TNIK: variants seen among roughly 807,000 people sequenced by gnomAD.
TNIK encodes TRAF2 and NCK interacting kinase.
TNIK carries 49 observed loss-of-function variants against 191.3 expected under a neutral mutation model. The ratio of observed to expected loss-of-function variants is 0.26; its 90% CI spans 0.20 to 0.32. The LOEUF (loss-of-function observed/expected upper bound fraction) is 0.32, where lower values mean the gene tolerates loss of function less well. Ranked by LOEUF, TNIK falls within the 10% of genes least tolerant of loss-of-function variation. TNIK has a pLI of 1.00. For synonymous variants in TNIK, 594 were observed against 600.9 expected (o/e 0.99, Z 0.17); for missense variants, 1,155 against 1,702.3 (o/e 0.68, Z 5.66).
At position 171,063,184 on chromosome 3, in the gene TNIK, T is replaced by C. The variant is rs1195492452; in HGVS notation, c.*697A>G. On this transcript the variant is annotated 3_prime_UTR_variant, in exon 33 of 33. Transcript: ENST00000436636. Reference sequence around the variant, plus strand: ...TCAGATTCACAAAAGTGGTAGTTGATTTTATTAGACTAGTAGTTTTAAGGC... The same window carrying C: ...TCAGATTCACAAAAGTGGTAGTTGACTTTATTAGACTAGTAGTTTTAAGGC... 2.0e-5 allele frequency: 3 copies of C among 152,214 alleles called. No homozygotes were observed. Among genetic ancestry groups the C allele is most frequent in the Admixed American group, 6.5e-5 (1 of 15,280 alleles). 9.4% of individuals were successfully genotyped at this position (152,214 alleles called of 1,614,324 possible). A position where few individuals can be genotyped will look rare whatever the true frequency, so the allele number is the denominator to read the frequency against.
At chr3:171,172,303 A>C (rs1735392581) in intron 9 of TNIK, among the ~76,000 whole-genome samples, 1 of 152,222 alleles carries the variant, frequency 6.6e-6, no homozygotes, top group African/African-American at 2.4e-5. Context: ...TACACTGAGA[A>C]CAAGGCATTT....
rs1034002121 is a variant in TNIK, at chr3:171,058,567, G to GA, written c.*5313dup. On this transcript the variant is annotated 3_prime_UTR_variant, in exon 33 of 33. Transcript: ENST00000436636. ...CTTTCTCAATGATTTTTGTATGCAA[G>GA]AAAAAAAATACCTGAAAGTAACCAA... is the stretch of plus-strand genomic sequence containing the variant. 4.0e-5 allele frequency among the ~76,000 whole-genome samples: 6 copies of GA among 151,764 alleles called. No homozygotes were observed. Among genetic ancestry groups the GA allele is most frequent in the African/African-American group, 1.5e-4 (6 of 41,340 alleles).
intron 15 of TNIK, among the ~76,000 whole-genome samples, chr3:171,129,663 T>A (rs952248469): frequency 1.3e-5 from 2 of 152,224 alleles, no homozygotes; most frequent in Non-Finnish European, 2.9e-5. Flanking sequence ...TTCATTTCCT[T>A]GTCATTCCCT....
chr3:171,198,633 GGT>G (rs1303413685), intron 4 of TNIK, among the ~76,000 whole-genome samples: 3 of 152,078 alleles, frequency 2.0e-5, no homozygotes. Flanking sequence ...ATGTGGATGG[GGT>G]GGAACTGGCC....
At chr3:171,108,203 CA>C in intron 19 of TNIK, 41 bp from the exon 20 acceptor site, 1 of 1,466,332 alleles carries the variant, frequency 6.8e-7, no homozygotes, top group Non-Finnish European at 9.1e-7. Flanking sequence ...AGATGGCCAT[CA>C]AAAAGTGCTG....
intron 3 of TNIK, among the ~76,000 whole-genome samples, chr3:171,222,299 G>A (rs1742450628): frequency 6.6e-6 from 1 of 152,014 alleles, no homozygotes; most frequent in Non-Finnish European, 1.5e-5. Flanking sequence ...ATGAGGCTTG[G>A]GCAAGTTTCT....
chr3:171,059,961 T>A lies in TNIK; in HGVS notation c.*3920A>T, dbSNP rs1347549707. Reference sequence around the variant, plus strand: ...TCATTCAGAATTGTTATCAGCATGCTGTGGATTTTCTCATGTTTTCCTGCA... The same window carrying A: ...TCATTCAGAATTGTTATCAGCATGCAGTGGATTTTCTCATGTTTTCCTGCA... On this transcript the variant is annotated 3_prime_UTR_variant, in exon 33 of 33. Transcript: ENST00000436636. Among the ~76,000 whole-genome samples the A allele has an allele frequency of 2.6e-5, 4 of 152,236 alleles. No homozygotes were observed. Among genetic ancestry groups the A allele is most frequent in the Non-Finnish European group, 5.9e-5 (4 of 68,028 alleles).
At chr3:171,320,467 G>C (rs558080893) in intron 2 of TNIK, among the ~76,000 whole-genome samples, 1 of 152,164 alleles carries the variant, frequency 6.6e-6, no homozygotes, top group Non-Finnish European at 1.5e-5. Flanking sequence ...TATGTGGAAA[G>C]AAATGTAATT....
At chr3:171,343,955 C>T (rs376200560) in intron 2 of TNIK, among the ~76,000 whole-genome samples, 2 of 152,170 alleles carry the variant, frequency 1.3e-5, no homozygotes, top group South Asian at 2.1e-4. Context: ...ACCAAGCCTT[C>T]GACAGTCTAG....
rs577499481 is a variant in TNIK, at chr3:171,068,667, A to G, written c.3699+181T>C. Among the ~76,000 whole-genome samples, 45 of 152,386 alleles carry G rather than the reference A, an allele frequency of 3.0e-4. 1 individual carries two copies. Among genetic ancestry groups the G allele is most frequent in the Admixed American group, 2.5e-3 (39 of 15,310 alleles). On this transcript the variant is annotated intron_variant, in intron 30 of 32. Transcript: ENST00000436636. The stretch of plus-strand genomic sequence containing the variant: ...GTATTCCCCAATTTTAGGAAGTCAT[A>G]AAAATTAGTTAAATTTATATATTTT...
chr3:171,082,109 G>T (rs1720769297), intron 27 of TNIK, 142 bp downstream of exon 27: 4 of 1,124,518 alleles, frequency 3.6e-6, no homozygotes, highest in Non-Finnish European at 4.9e-6. Context: ...CAAAATGTGG[G>T]CAATCTCACT....
At chr3:171,430,648 A>C (rs1225520453) in intron 1 of TNIK, among the ~76,000 whole-genome samples, 1 of 27,778 alleles carries the variant, frequency 3.6e-5, no homozygotes, top group Non-Finnish European at 9.6e-5. Context: ...AAAAACAGAC[A>C]AAAAAAAAAA....
chr3:171,110,679 C>A (rs1358185559), intron 19 of TNIK, 35 bp downstream of exon 19: 9 of 1,543,742 alleles, frequency 5.8e-6, no homozygotes, highest in Non-Finnish European at 7.0e-6. Context: ...TCCTCCCAGG[C>A]AGTATTGCCA....
At chr3:171,363,137 C>A (rs1715220955) in intron 2 of TNIK, among the ~76,000 whole-genome samples, 1 of 152,146 alleles carries the variant, frequency 6.6e-6, no homozygotes, top group East Asian at 1.9e-4. Context: ...TTGGATGAGG[C>A]CAGGGAGGCT....
intron 2 of TNIK, among the ~76,000 whole-genome samples, chr3:171,245,458 T>C (rs958348568): frequency 2.6e-5 from 4 of 151,992 alleles, no homozygotes; most frequent in Non-Finnish European, 4.4e-5. Context: ...AGAAACAACA[T>C]TTAAACCATA....
At position 171,085,209 on chromosome 3, in the gene TNIK, G is replaced by A; in HGVS notation, c.2907C>T (p.Thr969=). Residue 969 remains threonine, a synonymous_variant, in exon 25 of 33, where the codon ACC becomes ACT. Coordinates refer to ENST00000436636, the MANE Select transcript of TNIK (RefSeq NM_015028.4). ...SGTEYGMGSS[T]KASFTPFVDP... Reference sequence around the variant, plus strand: ...CCACAAAGGGGGTGAAGGAGGCTTTGGTGCTGCTCCCCATGCCATACTAAT... The same window carrying A: ...CCACAAAGGGGGTGAAGGAGGCTTTAGTGCTGCTCCCCATGCCATACTAAT... 6.2e-7 allele frequency: 1 copy of A among 1,610,482 alleles called. No individual in the cohort carries two copies. The highest frequency in any genetic ancestry group is 8.5e-7 in the Non-Finnish European group (1 of 1,178,346).
At chr3:171,111,026 G>A (rs1725774001) in intron 18 of TNIK, 149 bp from the exon 19 acceptor site, 6 of 740,100 alleles carry the variant, frequency 8.1e-6, no homozygotes, top group Non-Finnish European at 1.2e-5. Flanking sequence ...TAAAAATGGG[G>A]AAAGGACCTG....
At chr3:171,071,085 C>T in intron 29 of TNIK, 138 bp downstream of exon 29, 1 of 555,674 alleles carries the variant, frequency 1.8e-6, no homozygotes, top group Non-Finnish European at 2.9e-6. Flanking sequence ...AAACAATAAA[C>T]CCTAGAGTAC....
chr3:171,064,008 T>G (rs1321364296), intron 32 of TNIK, 44 bp from the exon 33 acceptor site: 6 of 1,575,608 alleles, frequency 3.8e-6, no homozygotes, highest in Non-Finnish European at 5.2e-6. Flanking sequence ...CATGGTCTTT[T>G]CCCCTCTTTT....
Sources: allele counts gnomAD v4.1 joint callset (sites outside exome capture counted in the v4.1 genomes callset), GRCh38; gene constraint gnomAD v4.1.1; transcripts MANE v1.5; gene names NCBI Gene and HGNC (gene_info 2026-07-23, HGNC 2026-07-21).